The following CNTN3 variants were observed in gnomAD, a reference collection of about 807,000 sequenced individuals.
CNTN3 encodes the protein contactin 3.
In CNTN3, 60 loss-of-function variants were observed where a neutral mutation model predicts 119.1. The observed-to-expected ratio is 0.50, with a 90% CI of 0.41 to 0.62. CNTN3 has a LOEUF of 0.62. Among genes scored for constraint, CNTN3 ranks in the 20% least tolerant of loss-of-function variants. The pLI, the probability that CNTN3 is intolerant of heterozygous loss-of-function variation, is 0.00. For synonymous variants in CNTN3, 450 were observed against 438.7 expected, an observed-to-expected ratio of 1.03 and a Z score of -0.32; for missense variants, 1,101 against 1,242.4, an observed-to-expected ratio of 0.89 and a Z score of 1.71.
intron 11 of CNTN3, among the ~76,000 whole-genome samples, chr3:74,348,052 C>T (rs185695940): frequency 6.6e-6 from 1 of 152,268 alleles, no homozygotes. Context: ...TGGAGAAATG[C>T]TGGTCAAAGG....
chr3:74,545,126 T>C (rs1015261314), intron 1 of CNTN3, among the ~76,000 whole-genome samples: 14 of 152,200 alleles, frequency 9.2e-5, no homozygotes, highest in Admixed American at 2.0e-4. Context: ...TACCCTTTGG[T>C]ATTAGTAAAA....
At chr3:74,300,653 G>A (rs1227614962) in intron 16 of CNTN3, among the ~76,000 whole-genome samples, 3 of 152,156 alleles carry the variant, frequency 2.0e-5, no homozygotes, top group South Asian at 2.1e-4. Context: ...GAGTGAAACA[G>A]CATCATGAAA....
chr3:74,333,521 C>T (rs554312700), intron 13 of CNTN3, among the ~76,000 whole-genome samples: 10 of 152,328 alleles, frequency 6.6e-5, no homozygotes, highest in African/African-American at 2.4e-4. Flanking sequence ...CTGTGCTTCA[C>T]ATGGCATTCT....
At chr3:74,382,295 T>C (rs931910218) in intron 5 of CNTN3, among the ~76,000 whole-genome samples, 3 of 152,232 alleles carry the variant, frequency 2.0e-5, no homozygotes, top group Non-Finnish European at 2.9e-5. Context: ...TGTTTTGGTA[T>C]ATGTATACAA....
intron 1 of CNTN3, among the ~76,000 whole-genome samples, chr3:74,562,681 G>A (rs1357552045): frequency 6.6e-6 from 1 of 152,072 alleles, no homozygotes; most frequent in Non-Finnish European, 1.5e-5. Context: ...CTTCCACACT[G>A]AACTCATCTG....
chr3:74,478,342 C>T (rs1044730509), intron 4 of CNTN3, among the ~76,000 whole-genome samples: 8 of 152,078 alleles, frequency 5.3e-5, no homozygotes, highest in Admixed American at 5.2e-4. Context: ...GTCCCGTCCA[C>T]ATAGCCAGGT....
chr3:74,404,884 A>G (rs1021046806), intron 5 of CNTN3, among the ~76,000 whole-genome samples: 3 of 152,024 alleles, frequency 2.0e-5, no homozygotes, highest in Non-Finnish European at 4.4e-5. Flanking sequence ...AGTGGTAGGG[A>G]CAGGTAATCC....
At chr3:74,333,093 T>TGG (rs945782092) in intron 13 of CNTN3, among the ~76,000 whole-genome samples, 8 of 152,214 alleles carry the variant, frequency 5.3e-5, no homozygotes, top group African/African-American at 1.9e-4. Flanking sequence ...TAGCAATTGG[T>TGG]GAAGTTCTCA....
intron 20 of CNTN3, among the ~76,000 whole-genome samples, chr3:74,272,550 A>G (rs977044285): frequency 1.3e-5 from 2 of 152,222 alleles, no homozygotes; most frequent in East Asian, 3.9e-4. Flanking sequence ...AATCTGAGGA[A>G]TGCACATTGA....
intron 4 of CNTN3, among the ~76,000 whole-genome samples, chr3:74,455,437 C>T (rs1003247676): frequency 2.4e-4 from 36 of 152,016 alleles, no homozygotes; most frequent in African/African-American, 7.5e-4. Flanking sequence ...ACTTCTTTGC[C>T]TTTGGTTTGA....
At chr3:74,428,459 C>CAT (rs34254262) in intron 4 of CNTN3, among the ~76,000 whole-genome samples, 101,776 of 151,616 alleles carry the variant, frequency 0.67, 34,295 homozygotes, top group East Asian at 0.74. Context: ...CCTAGGTTAA[C>CAT]GTGTGTTTTT....
chr3:74,522,748 A>G (rs148731117), intron 1 of CNTN3, among the ~76,000 whole-genome samples: 60 of 151,616 alleles, frequency 4.0e-4, no homozygotes, highest in African/African-American at 1.4e-3. Context: ...GTAACCTCCT[A>G]CTAGGGCAGT....
intron 18 of CNTN3, among the ~76,000 whole-genome samples, chr3:74,297,331 T>G (rs1397540822): frequency 2.6e-5 from 4 of 151,334 alleles, no homozygotes; most frequent in Admixed American, 6.6e-5. Context: ...CTGAGACAGG[T>G]CTCAATCAAT....
intron 3 of CNTN3, among the ~76,000 whole-genome samples, chr3:74,496,909 T>C (rs556402512): frequency 6.6e-6 from 1 of 152,096 alleles, no homozygotes; most frequent in African/African-American, 2.4e-5. Context: ...CCTGATGGGA[T>C]AAAAACAAAG....
rs137925285 is a variant in CNTN3 at position 74,448,594 on chromosome 3, C to T, written c.359-23654G>A. Among the ~76,000 whole-genome samples the T allele has an allele frequency of 2.1e-3, 314 of 152,232 alleles. 1 individual carries two copies. The highest frequency in any genetic ancestry group is 7.2e-3 in the African/African-American group (298 of 41,552). On this transcript the variant is annotated intron_variant, in intron 4 of 22. Transcript: ENST00000263665. ...ATAAATTATTTAGCTTGCCTACACA[C>T]ACCTCAGGTTTCCAACTATAAAACA...
At chr3:74,441,513 C>T (rs1319833851) in intron 4 of CNTN3, among the ~76,000 whole-genome samples, 1 of 152,140 alleles carries the variant, frequency 6.6e-6, no homozygotes, top group Non-Finnish European at 1.5e-5. Flanking sequence ...TGCTGGTTGA[C>T]ACATGGATAC....
At chr3:74,585,226 A>G (rs1704574565) in intron 1 of CNTN3, among the ~76,000 whole-genome samples, 1 of 152,166 alleles carries the variant, frequency 6.6e-6, no homozygotes, top group Non-Finnish European at 1.5e-5. Context: ...CAAAGTGTGG[A>G]CATGTGCAAA....
At chr3:74,579,316 A>C (rs1385651560) in intron 1 of CNTN3, among the ~76,000 whole-genome samples, 1 of 152,008 alleles carries the variant, frequency 6.6e-6, no homozygotes. Flanking sequence ...TGAAGACTTT[A>C]AAAGCACTCT....
chr3:74,509,619 T>C (rs1255790047), intron 2 of CNTN3, among the ~76,000 whole-genome samples: 1 of 152,150 alleles, frequency 6.6e-6, no homozygotes, highest in East Asian at 1.9e-4. Context: ...ATTGCTTTCC[T>C]TAATAATGGC....
Sources: allele counts gnomAD v4.1 joint callset (sites outside exome capture counted in the v4.1 genomes callset), GRCh38; gene constraint gnomAD v4.1.1; transcripts MANE v1.5; gene names NCBI Gene and HGNC (gene_info 2026-07-23, HGNC 2026-07-21).